The following ACOT1 variants were observed in gnomAD, a reference collection of about 807,000 sequenced individuals.
The protein encoded by ACOT1 is acyl-CoA thioesterase 1, also known as acyl-coenzyme A thioesterase 1.
ACOT1 carries 8 observed loss-of-function variants against 15.7 expected under a neutral mutation model. The observed-to-expected ratio is 0.51, with a 90% CI of 0.30 to 0.92. The LOEUF (loss-of-function observed/expected upper bound fraction) is 0.92. Ranked by LOEUF, ACOT1 falls within the 40% of genes least tolerant of loss-of-function variation. The probability of loss-of-function intolerance (pLI) is 0.06; values close to 1 mark genes in which losing one functional copy is unlikely to be tolerated. For synonymous variants in ACOT1, 67 were observed against 241.2 expected, an observed-to-expected ratio of 0.28 and a Z score of 6.69; for missense variants, 151 against 539.4, an observed-to-expected ratio of 0.28 and a Z score of 7.13.
the ACOT1 span, chr14:73,513,939 G>A: frequency 1.6e-3 from 2,017 of 1,292,464 alleles, 28 homozygotes; most frequent in African/African-American, 0.026. Context: ...TCACAAAGGA[G>A]GGATGGATTT....
chr14:73,541,804 C>A lies in ACOT1; in HGVS notation c.660+109C>A. The A allele has an allele frequency of 2.8e-6, 2 of 712,540 alleles. 1 individual carries two copies. Among genetic ancestry groups the A allele is most frequent in the East Asian group, 1.8e-4 (2 of 11,076 alleles). The allele number at this position is 712,540 out of a possible 1,614,324, so 44.1% of individuals were successfully genotyped here. A position where few individuals can be genotyped will look rare whatever the true frequency, so the allele number is the denominator to read the frequency against. ...TCATGACAGCCATTCCCTACCCCAA[C>A]ACACACTACCTTTTTTAGTCACTTC... On this transcript the variant is annotated intron_variant, in intron 2 of 2. Coordinates refer to ENST00000311148, the MANE Select transcript of ACOT1 (RefSeq NM_001037161.2).
chr14:73,524,310 A>AAAAAAAATATATATATAT, the ACOT1 span, among the ~76,000 whole-genome samples: 6 of 54,778 alleles, frequency 1.1e-4, no homozygotes, highest in South Asian at 2.4e-3. Flanking sequence ...AAAAAAAAAA[A>AAAAAAAATATATATATAT]ATATATATAT....
the ACOT1 span, chr14:73,499,076 A>G: frequency 6.2e-7 from 1 of 1,613,982 alleles, no homozygotes; most frequent in African/African-American, 1.3e-5. Context: ...AATACCTCGA[A>G]TGGCAAAGGC....
At chr14:73,492,469 G>T in the ACOT1 span, 1 of 1,613,786 alleles carries the variant, frequency 6.2e-7, no homozygotes, top group Non-Finnish European at 8.5e-7. The surrounding 1 kb of genome is among the most constrained non-coding windows in gnomAD (Gnocchi z 4.9). Flanking sequence ...TGCGGGTCTT[G>T]GTTGCCCGCC....
chr14:73,492,206 C>T, the ACOT1 span: 4 of 1,613,876 alleles, frequency 2.5e-6, no homozygotes. The surrounding 1 kb of genome is among the most constrained non-coding windows in gnomAD (Gnocchi z 4.9). Flanking sequence ...TGGAGATTTG[C>T]TGTATTTTCC....
the ACOT1 span, among the ~76,000 whole-genome samples, chr14:73,506,814 T>TTTTTTTTTTTTTTTTTTTTC: frequency 7.6e-6 from 1 of 132,390 alleles, no homozygotes; most frequent in Non-Finnish European, 1.5e-5. Flanking sequence ...GTTTTTTTTT[T>TTTTTTTTTTTTTTTTTTTTC]TTTTTTTTTT....
chr14:73,522,241 A>G, the ACOT1 span: 2,725 of 1,594,492 alleles, frequency 1.7e-3, 5 homozygotes, highest in Middle Eastern at 4.9e-3. Context: ...AGGGATTATC[A>G]AAGGTGCACT....
the ACOT1 span, among the ~76,000 whole-genome samples, chr14:73,504,781 A>G: frequency 1.3e-5 from 2 of 152,328 alleles, no homozygotes; most frequent in Admixed American, 6.5e-5. Context: ...GAGATATCCA[A>G]AGTTATAAGG....
chr14:73,508,371 C>A, the ACOT1 span: 9 of 1,286,732 alleles, frequency 7.0e-6, no homozygotes, highest in Non-Finnish European at 1.0e-5. Context: ...GATTGATACC[C>A]AAGGCTGCTA....
chr14:73,528,648 A>C, the ACOT1 span, among the ~76,000 whole-genome samples: 1 of 152,196 alleles, frequency 6.6e-6, no homozygotes, highest in Non-Finnish European at 1.5e-5. Context: ...GTAGTTTCCC[A>C]ATCTGAAAAT....
the ACOT1 span, chr14:73,509,469 CT>C: frequency 6.2e-7 from 1 of 1,613,822 alleles, no homozygotes; most frequent in East Asian, 2.2e-5. Context: ...CCTGGATGGT[CT>C]TGTCTGTGAT....
At chr14:73,524,310 A>AAAAAAAAATATATATATAT in the ACOT1 span, among the ~76,000 whole-genome samples, 1 of 54,782 alleles carries the variant, frequency 1.8e-5, no homozygotes, top group African/African-American at 8.8e-5. Context: ...AAAAAAAAAA[A>AAAAAAAAATATATATATAT]ATATATATAT....
chr14:73,522,878 C>G, the ACOT1 span: 1 of 1,614,182 alleles, frequency 6.2e-7, no homozygotes, highest in Non-Finnish European at 8.5e-7. Flanking sequence ...GTGGTCAAAG[C>G]TGTACTGGCT....
chr14:73,508,188 ATTC>A, the ACOT1 span: 1 of 1,614,090 alleles, frequency 6.2e-7, no homozygotes, highest in Non-Finnish European at 8.5e-7. Context: ...CAGTGTCCTC[ATTC>A]TTCTTTGTAA....
At chr14:73,502,704 C>G in the ACOT1 span, among the ~76,000 whole-genome samples, 1 of 152,126 alleles carries the variant, frequency 6.6e-6, no homozygotes. Flanking sequence ...TGTGCCACCA[C>G]GCCTGGCTAA....
chr14:73,537,297 A>G lies in ACOT1; in HGVS notation c.-125A>G, dbSNP rs1383608594. The G allele has an allele frequency of 2.3e-5, 20 of 871,244 alleles. 3 individuals are homozygous for G. In the African/African-American group the frequency reaches 3.2e-4, roughly 14 times the overall value. The allele number at this position is 871,244 out of a possible 1,614,324, so 54.0% of individuals were successfully genotyped here. On this transcript the variant is annotated 5_prime_UTR_variant, in exon 1 of 3. Coordinates refer to ENST00000311148, the MANE Select transcript of ACOT1 (RefSeq NM_001037161.2). ...GACTCTGGCCTTCCCCGCTCACATT[A>G]GCAGACAGCTCTGCCCTAGTGGGCG...
At chr14:73,509,547 C>T in the ACOT1 span, 2 of 1,498,298 alleles carry the variant, frequency 1.3e-6, no homozygotes, top group East Asian at 4.5e-5. Context: ...TTCCTACAGC[C>T]ATGTGGTGGC....
chr14:73,490,957 C>A, the ACOT1 span: 1 of 1,292,036 alleles, frequency 7.7e-7, no homozygotes, highest in South Asian at 2.5e-5. Flanking sequence ...CCGCTGCATT[C>A]AGGAACCGCT....
At chr14:73,515,724 T>G in the ACOT1 span, among the ~76,000 whole-genome samples, 1 of 127,668 alleles carries the variant, frequency 7.8e-6, no homozygotes, top group African/African-American at 3.0e-5. Context: ...CCAGGGCAGT[T>G]TAGCAAAGAT....
Sources: gnomAD v4.1 joint callset for allele counts (sites outside exome capture counted in the v4.1 genomes callset) on GRCh38, gnomAD v4.1.1 for gene constraint, Gnocchi (gnomAD v3.1) non-coding constraint, MANE v1.5 for transcripts, NCBI Gene and HGNC (gene_info 2026-07-23, HGNC 2026-07-21) for gene names.